COL4A5: variants seen among roughly 807,000 people sequenced by gnomAD.
COL4A5 encodes collagen type IV alpha 5 chain, also known as collagen alpha-5(IV) chain.
A neutral mutation model predicts 130.2 loss-of-function variants in COL4A5; 26 were observed. That is an observed-to-expected ratio of 0.20 (90% CI 0.15 to 0.28). COL4A5 has a LOEUF of 0.28. Among genes scored for constraint, COL4A5 ranks in the 10% least tolerant of loss-of-function variants. COL4A5 has a pLI of 1.00. For synonymous variants in COL4A5, 496 were observed against 439.6 expected, an observed-to-expected ratio of 1.13 and a Z score of -1.60; for missense variants, 1,131 against 1,344.3, an observed-to-expected ratio of 0.84 and a Z score of 2.48.
chrX:108,655,904 C>T (rs970442794), intron 37 of COL4A5, among the ~76,000 whole-genome samples: 2 of 112,454 alleles, frequency 1.8e-5, no homozygotes, highest in East Asian at 2.8e-4. Context: ...AAGAGATTAG[C>T]ACTATAGTCA....
At chrX:108,595,486 G>A (rs1267678985) in intron 21 of COL4A5, 23 bp from the exon 22 acceptor site, 6 of 1,197,569 alleles carry the variant, frequency 5.0e-6, no homozygotes, top group Middle Eastern at 4.6e-4. Flanking sequence ...AGTAAAATTT[G>A]TTTGTTATTA....
At chrX:108,638,635 G>T (rs1401002891) in intron 36 of COL4A5, among the ~76,000 whole-genome samples, 1 of 111,689 alleles carries the variant, frequency 9.0e-6, no homozygotes, top group Non-Finnish European at 1.9e-5. Flanking sequence ...AATTATCTTT[G>T]TTCAGAGATG....
intron 1 of COL4A5, among the ~76,000 whole-genome samples, chrX:108,496,652 GTGTT>G (rs2065037844): frequency 9.0e-6 from 1 of 111,011 alleles, no homozygotes; most frequent in African/African-American, 3.3e-5. Flanking sequence ...ATATAGTTGT[GTGTT>G]TGCGTTTTTT....
intron 36 of COL4A5, among the ~76,000 whole-genome samples, chrX:108,646,094 C>T (rs1162263791): frequency 9.1e-6 from 1 of 109,873 alleles, no homozygotes; most frequent in African/African-American, 3.4e-5. Context: ...GGTATATACC[C>T]AGTAATGGGA....
At chrX:108,641,874 G>A (rs761787743) in intron 36 of COL4A5, among the ~76,000 whole-genome samples, 9 of 111,709 alleles carry the variant, frequency 8.1e-5, no homozygotes, top group Non-Finnish European at 1.3e-4. Flanking sequence ...TTTGAACCAG[G>A]CGAGAAGCCT....
intron 2 of COL4A5, among the ~76,000 whole-genome samples, chrX:108,546,261 C>A (rs1692498665): frequency 8.9e-6 from 1 of 111,816 alleles, no homozygotes; most frequent in South Asian, 3.7e-4. Flanking sequence ...TGTTCCTTTC[C>A]ATGTTTAGTG....
intron 47 of COL4A5, among the ~76,000 whole-genome samples, chrX:108,685,706 C>T (rs1250863442): frequency 2.7e-5 from 3 of 112,221 alleles, no homozygotes; most frequent in South Asian, 7.3e-4. Context: ...GATCAAGTGA[C>T]AGTCTTATCA....
chrX:108,605,367 A>G (rs2147829083), intron 28 of COL4A5, among the ~76,000 whole-genome samples: 1 of 111,764 alleles, frequency 8.9e-6, no homozygotes, highest in African/African-American at 3.3e-5. Flanking sequence ...AGGGAGAGAG[A>G]TGCGGGGAAA....
rs151265085 is a variant in COL4A5, at chrX:108,526,271, T to C, written c.82-13475T>C. Among the ~76,000 whole-genome samples, 490 of 111,861 alleles carry C rather than the reference T, an allele frequency of 4.4e-3. 4 individuals carry two copies. Among genetic ancestry groups the C allele is most frequent in the African/African-American group, 0.014 (443 of 30,825 alleles). ...ATGCCATAGATACCTGTTGTACATA[T>C]CAAGATTTAACACATATTGTTGAAC... On this transcript the variant is annotated intron_variant, in intron 1 of 52. Transcript: ENST00000328300.
At chrX:108,501,933 C>G (rs2065083281) in intron 1 of COL4A5, among the ~76,000 whole-genome samples, 1 of 111,716 alleles carries the variant, frequency 9.0e-6, no homozygotes, top group Non-Finnish European at 1.9e-5. Flanking sequence ...GAAATGGACT[C>G]TTATGGTGGA....
chrX:108,473,610 TATGTATATATATATATATATA>T (rs1454583513), intron 1 of COL4A5, among the ~76,000 whole-genome samples: 10 of 46,666 alleles, frequency 2.1e-4, no homozygotes, highest in African/African-American at 7.8e-4. Flanking sequence ...TATATATATA[TATGTATATATATATATATATA>T]TATTTTTTTT....
chrX:108,445,132 G>A (rs1210409781), intron 1 of COL4A5, among the ~76,000 whole-genome samples: 2 of 110,399 alleles, frequency 1.8e-5, no homozygotes, highest in African/African-American at 6.6e-5. Context: ...TATATTTATT[G>A]ACTTACCATT....
chrX:108,615,680 T>G (rs183597361), intron 30 of COL4A5, among the ~76,000 whole-genome samples: 42 of 111,917 alleles, frequency 3.8e-4, no homozygotes, highest in South Asian at 1.1e-3. Context: ...AGTTTCTGGA[T>G]TCTGAGCTGT....
At position 108,696,335 on chromosome X, in the gene COL4A5, G is replaced by A. The variant is rs2068732910; in HGVS notation, c.5033G>A (p.Arg1678Lys). 6 of 1,208,460 alleles carry A rather than the reference G, an allele frequency of 5.0e-6. No homozygotes were observed. The African/African-American group carries it at 8.7e-5, about 18-fold the overall frequency. ...GAAACGCTGAAAGCAGGAGACTTGAGGACACGAATTAGCCGATGTCAAGTG... is the reference window on the plus strand; with the variant it reads ...GAAACGCTGAAAGCAGGAGACTTGAAGACACGAATTAGCCGATGTCAAGTG... Reference protein sequence around the residue: ...QSETLKAGDLRTRISRCQVCM... With the variant: ...QSETLKAGDLKTRISRCQVCM... Residue 1678 changes from arginine to lysine, a missense_variant, in exon 53 of 53, where the codon AGG (arginine) becomes AAG (lysine). Arg to Lys is a conservative substitution (Grantham distance 26, BLOSUM62 2). Coordinates refer to ENST00000328300, the MANE Select transcript of COL4A5 (RefSeq NM_033380.3).
chrX:108,577,361 A>G (rs1278717261), intron 10 of COL4A5, among the ~76,000 whole-genome samples: 2 of 96,055 alleles, frequency 2.1e-5, no homozygotes, highest in African/African-American at 4.1e-5. Flanking sequence ...AACAAGAGGG[A>G]AACTCCTTCT....
At chrX:108,611,246 G>A (rs980861573) in intron 29 of COL4A5, among the ~76,000 whole-genome samples, 5 of 111,023 alleles carry the variant, frequency 4.5e-5, no homozygotes, top group East Asian at 5.6e-4. Flanking sequence ...AAGGTTGAAC[G>A]TTAGAATCAG....
chrX:108,490,024 T>C (rs922925174), intron 1 of COL4A5, among the ~76,000 whole-genome samples: 1 of 111,665 alleles, frequency 9.0e-6, no homozygotes, highest in Non-Finnish European at 1.9e-5. Context: ...ATACACTTTA[T>C]GCATTTCTCC....
intron 1 of COL4A5, among the ~76,000 whole-genome samples, chrX:108,519,969 A>G (rs1694015726): frequency 8.9e-6 from 1 of 112,128 alleles, no homozygotes; most frequent in African/African-American, 3.2e-5. Flanking sequence ...GTATGCAATC[A>G]TATCACCTGT....
Position 108,686,053 on chromosome X carries a change from T to A in COL4A5, c.4239T>A (p.Asp1413Glu), listed in dbSNP as rs755903473. The A allele has an allele frequency of 2.4e-5, 29 of 1,209,181 alleles. No homozygotes were observed. Among genetic ancestry groups the A allele is most frequent in the Non-Finnish European group, 3.2e-5 (29 of 894,856 alleles). ...TAGGTCCAACTGGCCCTCCAGGAGA[T>A]CCTGGACGCAATGGACTCCCTGGCT... The part of the protein sequence containing the change: ...GLPGPTGPPG[D>E]PGRNGLPGFD... Residue 1413 changes from aspartate (D) to glutamate (E), a missense_variant, in exon 48 of 53, where the codon GAT becomes GAA. Coordinates refer to ENST00000328300, the MANE Select transcript of COL4A5 (RefSeq NM_033380.3).
Sources: gnomAD v4.1 joint callset for allele counts (sites outside exome capture counted in the v4.1 genomes callset) on GRCh38, gnomAD v4.1.1 for gene constraint, MANE v1.5 for transcripts, NCBI Gene and HGNC (gene_info 2026-07-23, HGNC 2026-07-21) for gene names.